The following ATRNL1 variants were observed in gnomAD, a reference collection of about 807,000 sequenced individuals.
The protein encoded by ATRNL1 is attractin-like protein 1.
Under a neutral mutation model 182.7 loss-of-function variants are expected in ATRNL1, and 95 were observed. The observed-to-expected ratio is 0.52, with a 90% CI of 0.44 to 0.62. The LOEUF (loss-of-function observed/expected upper bound fraction) is 0.62. Ranked by LOEUF, ATRNL1 falls within the 20% of genes least tolerant of loss-of-function variation. The pLI is 0.00. For missense variants in ATRNL1, 1,471 were observed against 1,679.5 expected, an observed-to-expected ratio of 0.88 and a Z score of 2.17; for synonymous variants, 576 against 568.3, an observed-to-expected ratio of 1.01 and a Z score of -0.19.
At chr10:115,601,706 G>A (rs1023152361) in intron 26 of ATRNL1, among the ~76,000 whole-genome samples, 1 of 151,964 alleles carries the variant, frequency 6.6e-6, no homozygotes, top group African/African-American at 2.4e-5. Context: ...CTTAATATTT[G>A]CACAACATAT....
At chr10:115,434,908 G>A (rs1379915643) in intron 21 of ATRNL1, among the ~76,000 whole-genome samples, 7 of 152,116 alleles carry the variant, frequency 4.6e-5, no homozygotes, top group African/African-American at 1.7e-4. Flanking sequence ...GAACAAGTTG[G>A]AGTATAAGAT....
chr10:115,255,200 C>T (rs1851065044), intron 10 of ATRNL1, among the ~76,000 whole-genome samples: 2 of 152,160 alleles, frequency 1.3e-5, no homozygotes, highest in South Asian at 2.1e-4. Context: ...ATGGGGATGG[C>T]ATTGAATCTA....
chr10:115,300,226 C>T lies in ATRNL1; in HGVS notation c.2608C>T (p.Leu870Phe). ...ANPCTSMANG[L>F]VCEKPVVSPN... ...TCCTTGTACATCTATGGCAAATGGC[C>T]TTGTCTGTGAAAAACCTGTTGGTAA... Residue 870 changes from leucine to phenylalanine, a missense_variant, in exon 16 of 29, where the codon CTT becomes TTT. Physicochemically the swap from Leu to Phe is conservative, Grantham distance 22. Coordinates refer to ENST00000355044, the MANE Select transcript of ATRNL1 (RefSeq NM_207303.4). 1.2e-6 allele frequency: 2 copies of T among 1,613,718 alleles called. No individual in the cohort carries two copies. Among genetic ancestry groups the T allele is most frequent in the Non-Finnish European group, 1.7e-6 (2 of 1,179,762 alleles).
intron 9 of ATRNL1, among the ~76,000 whole-genome samples, chr10:115,240,254 C>CTT (rs782480774): frequency 4.3e-5 from 6 of 138,034 alleles, no homozygotes; most frequent in Admixed American, 7.3e-5. Context: ...TACTTTTTTC[C>CTT]TTTTTTTTTT....
chr10:115,094,574 T>C (rs977996221), intron 1 of ATRNL1, among the ~76,000 whole-genome samples: 7 of 152,344 alleles, frequency 4.6e-5, no homozygotes, highest in African/African-American at 1.2e-4. Flanking sequence ...GAGTTTATGA[T>C]GGACTTGCTA....
intron 22 of ATRNL1, among the ~76,000 whole-genome samples, chr10:115,463,516 G>A (rs1331840921): frequency 6.6e-6 from 1 of 151,898 alleles, no homozygotes; most frequent in East Asian, 1.9e-4. Context: ...TAGTAAAATA[G>A]ACATAAAATA....
chr10:115,578,233 G>C (rs782641971), intron 26 of ATRNL1, among the ~76,000 whole-genome samples: 1 of 151,756 alleles, frequency 6.6e-6, no homozygotes, highest in Non-Finnish European at 1.5e-5. Flanking sequence ...TGATGTCTCT[G>C]TCAGCTTTGA....
intron 26 of ATRNL1, among the ~76,000 whole-genome samples, chr10:115,698,992 T>A (rs970329578): frequency 1.3e-5 from 2 of 152,198 alleles, no homozygotes; most frequent in African/African-American, 2.4e-5. Flanking sequence ...ATGATTTTTT[T>A]AATCTATATT....
intron 9 of ATRNL1, among the ~76,000 whole-genome samples, chr10:115,238,816 C>G (rs782360733): frequency 6.6e-6 from 1 of 152,138 alleles, no homozygotes; most frequent in Non-Finnish European, 1.5e-5. Context: ...ACATCCTTGC[C>G]TTATTCCTTT....
intron 15 of ATRNL1, among the ~76,000 whole-genome samples, chr10:115,294,323 T>TA (rs1853071888): frequency 6.6e-6 from 1 of 152,166 alleles, no homozygotes; most frequent in Non-Finnish European, 1.5e-5. Context: ...CCATCTCTGT[T>TA]AAAAAAGAAG....
chr10:115,523,584 C>T (rs1372055273), intron 25 of ATRNL1, among the ~76,000 whole-genome samples: 1 of 152,220 alleles, frequency 6.6e-6, no homozygotes. Flanking sequence ...CACATTACTT[C>T]TTGAGCACTT....
At chr10:115,245,434 G>A (rs1850587462) in intron 10 of ATRNL1, among the ~76,000 whole-genome samples, 1 of 148,066 alleles carries the variant, frequency 6.8e-6, no homozygotes, top group Admixed American at 6.9e-5. Context: ...TGGAGGTGGA[G>A]GTTTCAGTGA....
At chr10:115,598,909 C>T (rs1244444223) in intron 26 of ATRNL1, among the ~76,000 whole-genome samples, 1 of 120,110 alleles carries the variant, frequency 8.3e-6, no homozygotes, top group East Asian at 2.0e-4. Flanking sequence ...AGTTTTTGCA[C>T]GTAGTTGTGA....
intron 24 of ATRNL1, among the ~76,000 whole-genome samples, chr10:115,489,251 C>T (rs1849176931): frequency 6.6e-6 from 1 of 152,202 alleles, no homozygotes; most frequent in Non-Finnish European, 1.5e-5. Flanking sequence ...CCACTTGGTC[C>T]AGAGCTGAGT....
chr10:115,903,897 T>C (rs116781965), intron 28 of ATRNL1, among the ~76,000 whole-genome samples: 494 of 152,234 alleles, frequency 3.2e-3, no homozygotes, highest in African/African-American at 0.011. Context: ...TCCCCTAAGA[T>C]TTTTTAGTGC....
intron 7 of ATRNL1, among the ~76,000 whole-genome samples, chr10:115,169,863 T>A (rs551942047): frequency 1.3e-5 from 2 of 152,164 alleles, no homozygotes; most frequent in Admixed American, 6.6e-5. Context: ...ACTTCCTTTA[T>A]TAAATTTATT....
chr10:115,868,864 C>T (rs1192757791), intron 28 of ATRNL1, among the ~76,000 whole-genome samples: 1 of 90,350 alleles, frequency 1.1e-5, no homozygotes, highest in African/African-American at 4.2e-5. Flanking sequence ...GAGTCTCGCT[C>T]TGTCGCCCAG....
chr10:115,396,296 G>A (rs1844285468), intron 20 of ATRNL1, among the ~76,000 whole-genome samples: 1 of 151,824 alleles, frequency 6.6e-6, no homozygotes, highest in South Asian at 2.1e-4. Flanking sequence ...TTAAATCATT[G>A]TCTTCTGTTC....
chr10:115,538,739 A>G (rs1015671266), intron 25 of ATRNL1, among the ~76,000 whole-genome samples: 2 of 152,126 alleles, frequency 1.3e-5, no homozygotes, highest in Non-Finnish European at 2.9e-5. Flanking sequence ...AAACTTGATT[A>G]TGCTTTTGAC....
Sources: gnomAD v4.1 joint callset for allele counts (sites outside exome capture counted in the v4.1 genomes callset) on GRCh38, gnomAD v4.1.1 for gene constraint, MANE v1.5 for transcripts, NCBI Gene and HGNC (gene_info 2026-07-23, HGNC 2026-07-21) for gene names.